The following PTPRO variants were observed in gnomAD, a reference collection of about 807,000 sequenced individuals.
PTPRO encodes the protein receptor-type tyrosine-protein phosphatase O.
A neutral mutation model predicts 145.2 loss-of-function variants in PTPRO; 62 were observed. The observed-to-expected ratio is 0.43, with a 90% CI of 0.35 to 0.53. PTPRO has a LOEUF of 0.53. Among genes scored for constraint, PTPRO ranks in the 20% least tolerant of loss-of-function variants. The pLI is 0.01. For synonymous variants in PTPRO, 565 were observed against 514.7 expected (o/e 1.10, Z -1.32); for missense variants, 1,345 against 1,482.7 (o/e 0.91, Z 1.53).
chr12:15,333,498 G>C (rs1866669012), intron 1 of PTPRO, among the ~76,000 whole-genome samples: 2 of 152,214 alleles, frequency 1.3e-5, no homozygotes, highest in Non-Finnish European at 2.9e-5. Flanking sequence ...ACGAGTGAAT[G>C]AATGAGTGTT....
chr12:15,324,295 T>C lies in PTPRO; in HGVS notation c.75+1494T>C, dbSNP rs572635635. Among the ~76,000 whole-genome samples the C allele has an allele frequency of 3.3e-5, 5 of 152,358 alleles. No individual in the cohort carries two copies. The East Asian group carries it at 9.6e-4, about 29-fold the overall frequency. ...TGACATCTGATCCAAACCTAACGTT[T>C]AGCACAACTGCAGGTTTTTGCGTGA... On this transcript the variant is annotated intron_variant, in intron 1 of 26. Transcript: ENST00000281171.
intron 1 of PTPRO, among the ~76,000 whole-genome samples, chr12:15,403,754 T>C (rs570440164): frequency 1.3e-5 from 2 of 152,278 alleles, no homozygotes; most frequent in South Asian, 4.1e-4. Flanking sequence ...TAGCTCAATT[T>C]ATAATTTTTT....
intron 19 of PTPRO, among the ~76,000 whole-genome samples, chr12:15,571,896 C>T (rs1463214893): frequency 6.6e-6 from 1 of 152,114 alleles, no homozygotes; most frequent in African/African-American, 2.4e-5. Context: ...AGCATGCTAT[C>T]TTTAGATATC....
At chr12:15,448,562 G>C (rs1467192259) in intron 1 of PTPRO, among the ~76,000 whole-genome samples, 1 of 151,976 alleles carries the variant, frequency 6.6e-6, no homozygotes, top group Admixed American at 6.6e-5. Flanking sequence ...GAGAAACCTT[G>C]CACACTGTTG....
intron 12 of PTPRO, among the ~76,000 whole-genome samples, chr12:15,526,848 A>T (rs1361100162): frequency 6.6e-6 from 1 of 152,152 alleles, no homozygotes; most frequent in Non-Finnish European, 1.5e-5. Context: ...AAATAAAAAG[A>T]TCATTAGTCC....
At chr12:15,560,908 A>G (rs1169980652) in intron 17 of PTPRO, among the ~76,000 whole-genome samples, 2 of 152,120 alleles carry the variant, frequency 1.3e-5, no homozygotes, top group Non-Finnish European at 2.9e-5. Flanking sequence ...TCTGAAATCT[A>G]TTCTTTCCTC....
chr12:15,447,925 A>G (rs1940943780), intron 1 of PTPRO, among the ~76,000 whole-genome samples: 1 of 152,148 alleles, frequency 6.6e-6, no homozygotes, highest in South Asian at 2.1e-4. Flanking sequence ...CTCAGGAAAT[A>G]TTTATTTTAT....
chr12:15,473,426 G>A (rs778753158), intron 1 of PTPRO, among the ~76,000 whole-genome samples: 1 of 152,090 alleles, frequency 6.6e-6, no homozygotes, highest in Non-Finnish European at 1.5e-5. Context: ...CGTAATTACC[G>A]AATTCTGTAG....
chr12:15,453,322 A>AAAAAG (rs1941094356), intron 1 of PTPRO, among the ~76,000 whole-genome samples: 3 of 152,064 alleles, frequency 2.0e-5, no homozygotes, highest in Admixed American at 1.3e-4. Flanking sequence ...CAGTCTCAAA[A>AAAAAG]AAAAGAAAAG....
At chr12:15,404,949 T>C (rs542358399) in intron 1 of PTPRO, among the ~76,000 whole-genome samples, 26 of 152,328 alleles carry the variant, frequency 1.7e-4, no homozygotes, top group African/African-American at 5.8e-4. Context: ...GCTGTCTTCC[T>C]GATTTGAAGA....
chr12:15,404,587 C>T (rs910392618), intron 1 of PTPRO, among the ~76,000 whole-genome samples: 3 of 152,142 alleles, frequency 2.0e-5, no homozygotes, highest in Non-Finnish European at 2.9e-5. Context: ...GTACCCAATG[C>T]TCTCCTTTTA....
At chr12:15,355,403 C>T (rs960876213) in intron 1 of PTPRO, among the ~76,000 whole-genome samples, 3 of 152,118 alleles carry the variant, frequency 2.0e-5, no homozygotes, top group African/African-American at 4.8e-5. Context: ...GCCTTGGCTG[C>T]AAATTTTCCC....
chr12:15,382,161 T>A (rs1016595254), intron 1 of PTPRO, among the ~76,000 whole-genome samples: 3 of 147,016 alleles, frequency 2.0e-5, no homozygotes, highest in East Asian at 3.9e-4. Flanking sequence ...AAGTGAGAAA[T>A]ATATATATAT....
intron 1 of PTPRO, among the ~76,000 whole-genome samples, chr12:15,376,362 T>C (rs1055376835): frequency 2.0e-5 from 3 of 152,146 alleles, no homozygotes; most frequent in African/African-American, 7.2e-5. Context: ...AAAACTATCT[T>C]TCAAAAATGA....
intron 1 of PTPRO, among the ~76,000 whole-genome samples, chr12:15,362,436 A>T (rs1938238712): frequency 6.6e-6 from 1 of 152,210 alleles, no homozygotes; most frequent in African/African-American, 2.4e-5. Flanking sequence ...TTCCATTATT[A>T]CAAGTTCATC....
chr12:15,571,729 G>T lies in PTPRO; in HGVS notation c.2829+2231G>T, dbSNP rs183033502. Among the ~76,000 whole-genome samples the T allele has an allele frequency of 6.5e-3, 995 of 152,106 alleles. 5 individuals carry two copies. Among genetic ancestry groups the T allele is most frequent in the Non-Finnish European group, 0.011 (733 of 67,972 alleles). Reference sequence around the variant, plus strand: ...AACAGGGGAGGATTTTGATGGACGAGCCTGTGTCATGGTGCCCATTCAAAC... The same window carrying T: ...AACAGGGGAGGATTTTGATGGACGATCCTGTGTCATGGTGCCCATTCAAAC... On this transcript the variant is annotated intron_variant, in intron 19 of 26. Coordinates refer to ENST00000281171, the MANE Select transcript of PTPRO (RefSeq NM_030667.3).
chr12:15,355,202 G>C (rs1937946531), intron 1 of PTPRO, among the ~76,000 whole-genome samples: 1 of 152,146 alleles, frequency 6.6e-6, no homozygotes, highest in African/African-American at 2.4e-5. Context: ...TAAAGGTTGG[G>C]TTGAATATCT....
intron 1 of PTPRO, among the ~76,000 whole-genome samples, chr12:15,423,751 G>T (rs1940208565): frequency 6.6e-6 from 1 of 152,150 alleles, no homozygotes; most frequent in Non-Finnish European, 1.5e-5. Context: ...AGAAACACAA[G>T]TAATAGGATA....
intron 1 of PTPRO, among the ~76,000 whole-genome samples, chr12:15,442,417 T>C (rs1940793583): frequency 6.6e-6 from 1 of 152,124 alleles, no homozygotes; most frequent in Non-Finnish European, 1.5e-5. Flanking sequence ...TTGGAATCAT[T>C]CCCCTTGAGA....
Sources: allele counts gnomAD v4.1 joint callset (sites outside exome capture counted in the v4.1 genomes callset), GRCh38; gene constraint gnomAD v4.1.1; transcripts MANE v1.5; gene names NCBI Gene and HGNC (gene_info 2026-07-23, HGNC 2026-07-21).